PPP2R3A: variants seen among roughly 807,000 people sequenced by gnomAD.
PPP2R3A encodes the protein serine/threonine-protein phosphatase 2A regulatory subunit B'' subunit alpha.
A neutral mutation model predicts 106.9 loss-of-function variants in PPP2R3A; 80 were observed. The observed-to-expected ratio is 0.75, with a 90% CI of 0.62 to 0.90. The LOEUF (loss-of-function observed/expected upper bound fraction) is 0.90, where lower values mean the gene tolerates loss of function less well. Among genes scored for constraint, PPP2R3A ranks in the 40% least tolerant of loss-of-function variants. PPP2R3A has a pLI of 0.00. For synonymous variants in PPP2R3A, 483 were observed against 468.3 expected (o/e 1.03, Z -0.41); for missense variants, 1,386 against 1,350.4 (o/e 1.03, Z -0.41).
In PPP2R3A at chr3:135,981,662, T is replaced by C. The variant is rs76450326; in HGVS notation, c.-441+15813T>C. ...GCAAACAAAATCCTTGCCTTTGGAGTGTACATTCTATTGCAGGGATAAAGA... is the reference window on the plus strand; with the variant it reads ...GCAAACAAAATCCTTGCCTTTGGAGCGTACATTCTATTGCAGGGATAAAGA... On this transcript the variant is annotated intron_variant, in intron 1 of 13. Coordinates refer to ENST00000264977, the MANE Select transcript of PPP2R3A (RefSeq NM_002718.5). 1.1e-4 allele frequency among the ~76,000 whole-genome samples: 17 copies of C among 151,866 alleles called. No homozygotes were observed. In the East Asian group the frequency reaches 3.3e-3, roughly 29 times the overall value.
At chr3:135,993,342 A>G (rs1014253748) in intron 1 of PPP2R3A, among the ~76,000 whole-genome samples, 3 of 152,204 alleles carry the variant, frequency 2.0e-5, no homozygotes, top group Non-Finnish European at 4.4e-5. Flanking sequence ...GGGAAATGCA[A>G]ATTAAAGCCA....
rs550003163 is a variant in PPP2R3A at position 135,973,810 on chromosome 3, A to G, written c.-441+7961A>G. On this transcript the variant is annotated intron_variant, in intron 1 of 13. Transcript: ENST00000264977. ...ACTAATTTATCACTATGTGCCAGGC[A>G]CTGTTCTAGATACCGGAGATATAGT... 9.2e-5 allele frequency among the ~76,000 whole-genome samples: 14 copies of G among 152,328 alleles called. No individual in the cohort carries two copies. In the South Asian group the frequency reaches 2.7e-3, roughly 29 times the overall value.
At position 135,969,691 on chromosome 3, in the gene PPP2R3A, T is replaced by G. The variant is rs115860370; in HGVS notation, c.-441+3842T>G. ...CAAAGCAGTAGCCTACAGCTGAATC[T>G]GACTCACAGATGTTTTGCCCATACA... On this transcript the variant is annotated intron_variant, in intron 1 of 13. Coordinates refer to ENST00000264977, the MANE Select transcript of PPP2R3A (RefSeq NM_002718.5). Among the ~76,000 whole-genome samples, 884 of 152,356 alleles carry G rather than the reference T, an allele frequency of 5.8e-3. 8 individuals carry two copies. Among genetic ancestry groups the G allele is most frequent in the African/African-American group, 0.021 (856 of 41,572 alleles).
At position 136,002,866 on chromosome 3, in the gene PPP2R3A, T is replaced by C; in HGVS notation, c.1368T>C (p.Thr456=). 1 of 1,613,786 alleles carries C rather than the reference T, an allele frequency of 6.2e-7. No homozygotes were observed. The highest frequency in any genetic ancestry group is 8.5e-7 in the Non-Finnish European group (1 of 1,179,906). ...GAGCAGAATTTCCAGAACATGCTACTCATCTTAAAAAATGCCCCACCCCAA... is the reference window on the plus strand; with the variant it reads ...GAGCAGAATTTCCAGAACATGCTACCCATCTTAAAAAATGCCCCACCCCAA... The part of the protein sequence containing the change: ...EHRAEFPEHA[T]HLKKCPTPMQ... The change falls in exon 2 of 14, where the codon ACT becomes ACC. Residue 456 remains threonine (T), a synonymous_variant. Transcript: ENST00000264977.
chr3:136,023,241 T>TGTTTTG lies in PPP2R3A; in HGVS notation c.1996-3590_1996-3585dup. The stretch of plus-strand genomic sequence containing the variant: ...TGTTTTGTTTTGTTTTGTTTTGTTT[T>TGTTTTG]GTTTTGAAAATATTTTTATTACTAA... On this transcript the variant is annotated intron_variant, in intron 2 of 13. Transcript: ENST00000264977. The TGTTTTG allele has an allele frequency of 2.6e-6, 4 of 1,553,162 alleles. No homozygotes were observed. In the Admixed American group the frequency reaches 7.8e-5, roughly 30 times the overall value.
intron 5 of PPP2R3A, among the ~76,000 whole-genome samples, chr3:136,059,998 G>A (rs1355627060): frequency 1.3e-5 from 2 of 152,154 alleles, no homozygotes; most frequent in East Asian, 3.9e-4. Flanking sequence ...GGGGGTAGGA[G>A]GAAGGAGAGG....
chr3:136,026,773 T>A (rs1364075745), intron 2 of PPP2R3A, 59 bp from the exon 3 acceptor site: 2 of 1,467,074 alleles, frequency 1.4e-6, no homozygotes, highest in Non-Finnish European at 1.8e-6. Flanking sequence ...TGGTGAGAAT[T>A]TTCAGTAAAT....
rs563085407 is a variant in PPP2R3A at position 136,113,808 on chromosome 3, AAGAG to A, written c.3329+7492_3329+7495del. On this transcript the variant is annotated intron_variant, in intron 13 of 13. Transcript: ENST00000264977. The stretch of plus-strand genomic sequence containing the variant: ...AGACCCTGTGTCAGAAAAAAAAAAA[AAGAG>A]AGAGACTTAAATGTAAGACCTAAAA... 6.8e-4 allele frequency among the ~76,000 whole-genome samples: 103 copies of A among 152,182 alleles called. 1 individual carries two copies. The highest frequency in any genetic ancestry group is 1.6e-3 in the Admixed American group (24 of 15,288).
chr3:136,106,214 AG>A lies in PPP2R3A; in HGVS notation c.3223del. The A allele has an allele frequency of 6.2e-7, 1 of 1,602,996 alleles. No homozygotes were observed. Among genetic ancestry groups the A allele is most frequent in the Non-Finnish European group, 8.5e-7 (1 of 1,177,130 alleles). On this transcript the variant is annotated splice_acceptor_variant, in intron 12 of 13. Coordinates refer to ENST00000264977, the MANE Select transcript of PPP2R3A (RefSeq NM_002718.5). LOFTEE classifies it high-confidence loss of function. ...TCTCGTGGCTGTCTTCTTTCCAATC[AG>A]GATGTTGAGAACGATGGGCCTGAGC... is the stretch of plus-strand genomic sequence containing the variant.
At chr3:136,113,280 C>T (rs1937624443) in intron 13 of PPP2R3A, among the ~76,000 whole-genome samples, 1 of 152,098 alleles carries the variant, frequency 6.6e-6, no homozygotes, top group Non-Finnish European at 1.5e-5. Context: ...ACACAGACTG[C>T]GTGGAACAAG....
At chr3:136,010,427 T>TA (rs1330543604) in intron 2 of PPP2R3A, among the ~76,000 whole-genome samples, 2 of 128,696 alleles carry the variant, frequency 1.6e-5, no homozygotes, top group African/African-American at 6.2e-5. Flanking sequence ...ATTTTTTTTT[T>TA]TTTTTTTTTT....
intron 6 of PPP2R3A, among the ~76,000 whole-genome samples, chr3:136,071,213 G>T (rs1296119756): frequency 6.6e-6 from 1 of 152,210 alleles, no homozygotes; most frequent in African/African-American, 2.4e-5. Context: ...ATTCTCAAGT[G>T]AGATGGCCCT....
intron 13 of PPP2R3A, among the ~76,000 whole-genome samples, chr3:136,141,544 CAAAT>C (rs1419683430): frequency 1.3e-5 from 2 of 152,052 alleles, no homozygotes; most frequent in African/African-American, 4.8e-5. Flanking sequence ...AGTAGGGAGA[CAAAT>C]AAGGAAGCCA....
At chr3:136,108,784 T>C (rs1188222860) in intron 13 of PPP2R3A, among the ~76,000 whole-genome samples, 1 of 152,048 alleles carries the variant, frequency 6.6e-6, no homozygotes, top group African/African-American at 2.4e-5. Context: ...TCAGTAAAAT[T>C]GAATACTGAA....
intron 13 of PPP2R3A, among the ~76,000 whole-genome samples, chr3:136,116,563 GA>G (rs1937769623): frequency 6.6e-6 from 1 of 152,156 alleles, no homozygotes; most frequent in Admixed American, 6.6e-5. Flanking sequence ...CAAGCAAATG[GA>G]AAGCAGAAAG....
intron 1 of PPP2R3A, among the ~76,000 whole-genome samples, chr3:135,967,381 C>T (rs1937118817): frequency 6.6e-6 from 1 of 152,166 alleles, no homozygotes; most frequent in Admixed American, 6.5e-5. Context: ...TATTTGTACT[C>T]ATAAGTATTT....
chr3:136,055,285 GTC>G, intron 5 of PPP2R3A: 1 of 874,392 alleles, frequency 1.1e-6, no homozygotes, highest in Non-Finnish European at 2.0e-6. Context: ...ACAGACCTGA[GTC>G]TGTTGTGTTG....
chr3:136,133,887 T>C (rs1380360084), intron 13 of PPP2R3A, among the ~76,000 whole-genome samples: 2 of 127,800 alleles, frequency 1.6e-5, no homozygotes, highest in Non-Finnish European at 3.2e-5. Context: ...TGAAACTCCA[T>C]CTCAAAAAAA....
chr3:135,999,874 A>G (rs1933553140), intron 1 of PPP2R3A, among the ~76,000 whole-genome samples: 1 of 152,078 alleles, frequency 6.6e-6, no homozygotes, highest in African/African-American at 2.4e-5. Context: ...CCCGGGTTCA[A>G]GACATTCTCC....
Sources: gnomAD v4.1 joint callset for allele counts (sites outside exome capture counted in the v4.1 genomes callset) on GRCh38, gnomAD v4.1.1 for gene constraint, MANE v1.5 for transcripts, NCBI Gene and HGNC (gene_info 2026-07-23, HGNC 2026-07-21) for gene names.